Variants in PDE3B observed in about 807,000 individuals in gnomAD.
PDE3B encodes the protein cGMP-inhibited 3',5'-cyclic phosphodiesterase 3B.
Under a neutral mutation model 116.8 loss-of-function variants are expected in PDE3B, and 66 were observed. The ratio of observed to expected loss-of-function variants is 0.56; its 90% confidence interval spans 0.46 to 0.69. The LOEUF is 0.69. Among genes scored for constraint, PDE3B ranks in the 30% least tolerant of loss-of-function variants. PDE3B has a pLI of 0.00. For missense variants in PDE3B, 1,384 were observed against 1,368.1 expected (o/e 1.01, Z -0.18); for synonymous variants, 595 against 533.6 (o/e 1.12, Z -1.59).
rs1847933122 is a variant in PDE3B at position 14,860,758 on chromosome 11, C to G, written c.2725-447C>G. On this transcript the variant is annotated intron_variant, in intron 13 of 15. Transcript: ENST00000282096. ...AAAACTATAGGGCCAGCTTCTCAGACTTGTGTTCAGTTCACTATATCATGT... is the reference window on the plus strand; with the variant it reads ...AAAACTATAGGGCCAGCTTCTCAGAGTTGTGTTCAGTTCACTATATCATGT... Among the ~76,000 whole-genome samples the G allele has an allele frequency of 2.0e-5, 3 of 152,230 alleles. No individual in the cohort carries two copies. In the South Asian group the frequency reaches 6.2e-4, roughly 32 times the overall value.
chr11:14,681,716 A>G (rs1309023243), intron 1 of PDE3B, among the ~76,000 whole-genome samples: 5 of 152,210 alleles, frequency 3.3e-5, no homozygotes, highest in African/African-American at 9.6e-5. Context: ...TTGCTAGTAT[A>G]TAGAAATACA....
In PDE3B at chr11:14,869,643, G is replaced by A. The variant is rs781975602; in HGVS notation, c.3322G>A (p.Ala1108Thr). The A allele has an allele frequency of 6.2e-7, 1 of 1,613,504 alleles. No individual in the cohort carries two copies. Among genetic ancestry groups the A allele is most frequent in the Non-Finnish European group, 8.5e-7 (1 of 1,179,788 alleles). ...AGATGAGATTCAGGTAATTGAAGAG[G>A]CAGATGAAGAGGAATAGCGACAGTT... The part of the protein sequence containing the change: ...QADEIQVIEE[A>T]DEEE The change falls in exon 16 of 16, where the codon GCA becomes ACA. Residue 1108 changes from alanine (A) to threonine (T), a missense_variant. Ala to Thr is a moderately conservative substitution (Grantham distance 58, BLOSUM62 0). Around this residue, in one of 2 missense-constraint regions of PDE3B, gnomAD observed 428 missense variants for 561.4 expected, o/e 0.76. Coordinates refer to ENST00000282096, the MANE Select transcript of PDE3B (RefSeq NM_000922.4).
At chr11:14,833,310 A>G (rs2133964608) in intron 10 of PDE3B, among the ~76,000 whole-genome samples, 1 of 152,282 alleles carries the variant, frequency 6.6e-6, no homozygotes, top group African/African-American at 2.4e-5. Flanking sequence ...ACCTAGATTT[A>G]ACTGACTACT....
chr11:14,844,511 C>T (rs191764480), intron 12 of PDE3B, among the ~76,000 whole-genome samples: 1,943 of 152,252 alleles, frequency 0.013, 26 homozygotes, highest in Non-Finnish European at 0.017. Context: ...GCGCACCGTG[C>T]GCGAGCCGAA....
In PDE3B at chr11:14,867,507, G is replaced by C; in HGVS notation, c.2888G>C (p.Gly963Ala). ...TACTTTTCTTTTTAAAATATGCAGG[G>C]AGATGAAGAAGCAAATCTTGGTCTG... Reference protein sequence around the residue: ...EGIVNEFYEQGDEEANLGLPI... With the variant: ...EGIVNEFYEQADEEANLGLPI... The change falls in exon 15 of 16, where the codon GGA becomes GCA. Residue 963 changes from glycine to alanine, a missense_variant and splice_region_variant. Gly to Ala is a moderately conservative substitution (Grantham distance 60). This residue lies in a region of PDE3B where 428 missense variants were observed against 561.4 expected (regional missense o/e 0.76). Coordinates refer to ENST00000282096, the MANE Select transcript of PDE3B (RefSeq NM_000922.4). 1 of 1,612,792 alleles carries C rather than the reference G, an allele frequency of 6.2e-7. No individual in the cohort carries two copies. The highest frequency in any genetic ancestry group is 1.3e-5 in the African/African-American group (1 of 74,954).
chr11:14,790,746 T>C (rs529003871), intron 4 of PDE3B, among the ~76,000 whole-genome samples: 77 of 152,264 alleles, frequency 5.1e-4, no homozygotes, highest in African/African-American at 1.8e-3. Context: ...GGTGGTATTA[T>C]GTACGTCTAT....
intron 1 of PDE3B, among the ~76,000 whole-genome samples, chr11:14,677,214 A>G (rs1854557335): frequency 6.6e-6 from 1 of 152,068 alleles, no homozygotes. Flanking sequence ...ATCTTGTTGT[A>G]TTTTAGAGTT....
chr11:14,771,313 G>A (rs1857636497), intron 1 of PDE3B, among the ~76,000 whole-genome samples: 1 of 151,580 alleles, frequency 6.6e-6, no homozygotes, highest in South Asian at 2.1e-4. Context: ...CTACTATATT[G>A]GGTTGGGAAG....
At chr11:14,670,161 A>G (rs1854321449) in intron 1 of PDE3B, among the ~76,000 whole-genome samples, 3 of 152,142 alleles carry the variant, frequency 2.0e-5, no homozygotes, top group Admixed American at 2.0e-4. Flanking sequence ...TTAAGAATAT[A>G]GGCTCTGGAT....
chr11:14,857,978 A>G (rs1847879909), intron 12 of PDE3B, among the ~76,000 whole-genome samples: 1 of 152,218 alleles, frequency 6.6e-6, no homozygotes, highest in South Asian at 2.1e-4. Flanking sequence ...AAGTTGTATT[A>G]CAGGTGGTAT....
At chr11:14,801,351 T>C (rs1053205310) in intron 4 of PDE3B, among the ~76,000 whole-genome samples, 1 of 152,236 alleles carries the variant, frequency 6.6e-6, no homozygotes, top group Non-Finnish European at 1.5e-5. Flanking sequence ...GACATGCTAT[T>C]CCTTTCTGTT....
intron 1 of PDE3B, among the ~76,000 whole-genome samples, chr11:14,689,423 A>G (rs1413399498): frequency 6.6e-6 from 1 of 152,122 alleles, no homozygotes; most frequent in Admixed American, 6.6e-5. Context: ...TATGTCCTTT[A>G]AGATTGAAGC....
chr11:14,681,401 C>T (rs746710246), intron 1 of PDE3B, among the ~76,000 whole-genome samples: 24 of 151,972 alleles, frequency 1.6e-4, no homozygotes, highest in Admixed American at 5.9e-4. Context: ...GTGCTGTTCT[C>T]GTGATAGTGA....
chr11:14,767,957 A>G (rs1857542386), intron 1 of PDE3B, among the ~76,000 whole-genome samples: 1 of 151,070 alleles, frequency 6.6e-6, no homozygotes, highest in Admixed American at 6.6e-5. Context: ...ACTTAGCAGT[A>G]TTTTCATTAA....
At chr11:14,652,533 ATTT>A (rs1377150672) in intron 1 of PDE3B, among the ~76,000 whole-genome samples, 1 of 152,062 alleles carries the variant, frequency 6.6e-6, no homozygotes, top group Non-Finnish European at 1.5e-5. Context: ...ATTGGGGTTT[ATTT>A]TTTATTGTGG....
chr11:14,874,477 G>A (rs1848171859), downstream of PDE3B, among the ~76,000 whole-genome samples: 1 of 152,078 alleles, frequency 6.6e-6, no homozygotes, highest in African/African-American at 2.4e-5. Flanking sequence ...TTAAGAAAGT[G>A]TGTATCTTTG....
At chr11:14,801,461 AG>A (rs1858762230) in intron 4 of PDE3B, among the ~76,000 whole-genome samples, 1 of 152,186 alleles carries the variant, frequency 6.6e-6, no homozygotes, top group Non-Finnish European at 1.5e-5. Flanking sequence ...TCACCAGGAG[AG>A]GCTGCAGAGC....
chr11:14,869,860 C>G lies in PDE3B; in HGVS notation c.*200C>G. The G allele has an allele frequency of 1.9e-6, 1 of 513,396 alleles. No individual in the cohort carries two copies. The highest frequency in any genetic ancestry group is 3.0e-5 in the South Asian group (1 of 32,950). 31.8% of individuals were successfully genotyped at this position (513,396 alleles called of 1,614,324 possible). Reference sequence around the variant, plus strand: ...CTTTCACAGGAACTAGAAAACTATTCTTAAACCAAAAATACCATCCGTGTT... The same window carrying G: ...CTTTCACAGGAACTAGAAAACTATTGTTAAACCAAAAATACCATCCGTGTT... On this transcript the variant is annotated 3_prime_UTR_variant, in exon 16 of 16. Coordinates refer to ENST00000282096, the MANE Select transcript of PDE3B (RefSeq NM_000922.4).
intron 1 of PDE3B, among the ~76,000 whole-genome samples, chr11:14,759,538 A>G (rs1857293737): frequency 6.7e-6 from 1 of 148,844 alleles, no homozygotes; most frequent in Non-Finnish European, 1.5e-5. Flanking sequence ...TCCACTGTCT[A>G]TCAGAAGTAG....
Sources: allele counts gnomAD v4.1 joint callset (sites outside exome capture counted in the v4.1 genomes callset), GRCh38; gene constraint gnomAD v4.1.1; regional missense constraint gnomAD v4.1.1; transcripts MANE v1.5; gene names NCBI Gene and HGNC (gene_info 2026-07-23, HGNC 2026-07-21).